Variants in ATXN1 observed in about 807,000 individuals in gnomAD.
ATXN1 encodes ataxin-1.
Under a neutral mutation model 56.4 loss-of-function variants are expected in ATXN1, and 8 were observed. The observed-to-expected ratio is 0.14, with a 90% CI of 0.08 to 0.26. ATXN1 has a LOEUF of 0.26. Among genes scored for constraint, ATXN1 ranks in the 10% least tolerant of loss-of-function variants. ATXN1 has a pLI of 1.00. For missense variants in ATXN1, 987 were observed against 1,106.5 expected (o/e 0.89, Z 1.53); for synonymous variants, 514 against 494.6 (o/e 1.04, Z -0.52).
At chr6:16,404,303 CAAAG>C (rs1189296891) in intron 6 of ATXN1, among the ~76,000 whole-genome samples, 1 of 152,154 alleles carries the variant, frequency 6.6e-6, no homozygotes, top group East Asian at 1.9e-4. Context: ...AGGAACATAA[CAAAG>C]GAAGTACTGG....
At position 16,699,199 on chromosome 6, in the gene ATXN1, C is replaced by T. The variant is rs563800254; in HGVS notation, c.-614-41298G>A. ...TTCTCTATTACTCACTATTAAACTG[C>T]ATTTCAAAACCTACAAAAACAGCTC... On this transcript the variant is annotated intron_variant, in intron 2 of 7. Coordinates refer to ENST00000436367, the MANE Select transcript of ATXN1 (RefSeq NM_001128164.2). Among the ~76,000 whole-genome samples the T allele has an allele frequency of 1.5e-4, 23 of 152,316 alleles. No individual in the cohort carries two copies. The South Asian group carries it at 4.8e-3, about 32-fold the overall frequency.
At chr6:16,592,644 T>C (rs1581867768) in intron 3 of ATXN1, among the ~76,000 whole-genome samples, 1 of 152,024 alleles carries the variant, frequency 6.6e-6, no homozygotes, top group Non-Finnish European at 1.5e-5. Flanking sequence ...AGCACCCACG[T>C]CTCCTAGCTG....
chr6:16,358,977 G>A (rs1196458521), intron 6 of ATXN1, among the ~76,000 whole-genome samples: 1 of 152,208 alleles, frequency 6.6e-6, no homozygotes, highest in Non-Finnish European at 1.5e-5. Flanking sequence ...TGCAGCTGTG[G>A]CCAACCCTCC....
chr6:16,568,322 G>T lies in ATXN1; in HGVS notation c.-361+17458C>A, dbSNP rs567706815. ...AGAGGCTATCATCAAAACGAAGGCA[G>T]AGAGAAGTACACATAAGTCAACCTG... On this transcript the variant is annotated intron_variant, in intron 4 of 7. Transcript: ENST00000436367. Among the ~76,000 whole-genome samples, 38 of 152,308 alleles carry T rather than the reference G, an allele frequency of 2.5e-4. No homozygotes were observed. The South Asian group carries it at 7.5e-3, about 30-fold the overall frequency.
At chr6:16,349,574 A>G (rs1238018971) in intron 6 of ATXN1, among the ~76,000 whole-genome samples, 1 of 152,162 alleles carries the variant, frequency 6.6e-6, no homozygotes, top group Non-Finnish European at 1.5e-5. Flanking sequence ...TTCCTGCATC[A>G]TAGACACCAG....
At chr6:16,681,093 G>A (rs1441001872) in intron 2 of ATXN1, among the ~76,000 whole-genome samples, 1 of 152,200 alleles carries the variant, frequency 6.6e-6, no homozygotes, top group Non-Finnish European at 1.5e-5. Context: ...GAGACATGAT[G>A]ATGATGATTG....
intron 4 of ATXN1, among the ~76,000 whole-genome samples, chr6:16,580,561 G>T (rs1418339265): frequency 6.6e-6 from 1 of 152,110 alleles, no homozygotes; most frequent in Admixed American, 6.5e-5. Context: ...TTTCTAATGT[G>T]TTTTAAGAGT....
intron 4 of ATXN1, among the ~76,000 whole-genome samples, chr6:16,534,098 C>A (rs1462425853): frequency 6.6e-6 from 1 of 152,058 alleles, no homozygotes; most frequent in Admixed American, 6.6e-5. Flanking sequence ...CTGATGACTA[C>A]CTTCAGGTGA....
rs770484750 is a variant in ATXN1 at position 16,304,004 on chromosome 6, T to C, written c.*2325A>G. 3.3e-5 allele frequency: 5 copies of C among 152,526 alleles called. No homozygotes were observed. Among genetic ancestry groups the C allele is most frequent in the Admixed American group, 2.0e-4 (3 of 15,288 alleles). 9.4% of individuals were successfully genotyped at this position (152,526 alleles called of 1,614,324 possible). A position where few individuals can be genotyped will look rare whatever the true frequency, so the allele number is the denominator to read the frequency against. On this transcript the variant is annotated 3_prime_UTR_variant, in exon 8 of 8. Coordinates refer to ENST00000436367, the MANE Select transcript of ATXN1 (RefSeq NM_001128164.2). ...CCCACCCAGCTCTCTGCAAGCATGC[T>C]GAGAGGGTAATGAAATTCGAGGAAA...
chr6:16,678,374 C>T (rs1234155283), intron 2 of ATXN1, among the ~76,000 whole-genome samples: 2 of 152,216 alleles, frequency 1.3e-5, no homozygotes, highest in Admixed American at 6.5e-5. Flanking sequence ...TTCTTACTAA[C>T]AATGCCACAT....
At chr6:16,458,941 G>A (rs1759936193) in intron 6 of ATXN1, among the ~76,000 whole-genome samples, 1 of 152,184 alleles carries the variant, frequency 6.6e-6, no homozygotes, top group Non-Finnish European at 1.5e-5. Flanking sequence ...TAGCCATTGA[G>A]GGCCAGGAAA....
At chr6:16,503,780 A>T (rs4712286) in intron 5 of ATXN1, among the ~76,000 whole-genome samples, 2 of 151,888 alleles carry the variant, frequency 1.3e-5, no homozygotes. Context: ...AGGGAAAAAT[A>T]TTTATGTAAA....
intron 2 of ATXN1, among the ~76,000 whole-genome samples, chr6:16,743,871 G>A (rs1203418377): frequency 3.3e-5 from 5 of 152,142 alleles, no homozygotes; most frequent in East Asian, 1.9e-4. Flanking sequence ...TGGGACCGAC[G>A]TGGGACGAAT....
chr6:16,487,912 A>G (rs1382886845), intron 5 of ATXN1, among the ~76,000 whole-genome samples: 2 of 152,218 alleles, frequency 1.3e-5, no homozygotes, highest in African/African-American at 4.8e-5. Context: ...CAGGTAGAGG[A>G]AACAGTCTGT....
At chr6:16,462,747 C>A (rs1228507226) in intron 6 of ATXN1, among the ~76,000 whole-genome samples, 1 of 152,160 alleles carries the variant, frequency 6.6e-6, no homozygotes, top group Admixed American at 6.5e-5. Flanking sequence ...AACCTGTTAT[C>A]AGGCCTGCCC....
intron 6 of ATXN1, among the ~76,000 whole-genome samples, chr6:16,361,396 C>T (rs1761805887): frequency 6.6e-6 from 1 of 152,190 alleles, no homozygotes; most frequent in African/African-American, 2.4e-5. Context: ...CTACAGCATT[C>T]AGATCTCTTT....
At chr6:16,534,118 T>C (rs1761553103) in intron 4 of ATXN1, among the ~76,000 whole-genome samples, 1 of 152,148 alleles carries the variant, frequency 6.6e-6, no homozygotes, top group Admixed American at 6.6e-5. Flanking sequence ...ACAACAGGTT[T>C]CCCCATGCTG....
At chr6:16,502,789 CA>C (rs1213888371) in intron 5 of ATXN1, among the ~76,000 whole-genome samples, 5 of 152,164 alleles carry the variant, frequency 3.3e-5, no homozygotes, top group Non-Finnish European at 1.5e-5. Flanking sequence ...TATATTTCTA[CA>C]AATTCCTTTT....
At chr6:16,619,203 G>A (rs1269940714) in intron 3 of ATXN1, among the ~76,000 whole-genome samples, 1 of 151,906 alleles carries the variant, frequency 6.6e-6, no homozygotes, top group African/African-American at 2.4e-5. Flanking sequence ...GTTGGCAAGT[G>A]CTCAAGAAGA....
Sources: allele counts gnomAD v4.1 joint callset (sites outside exome capture counted in the v4.1 genomes callset), GRCh38; gene constraint gnomAD v4.1.1; transcripts MANE v1.5; gene names NCBI Gene and HGNC (gene_info 2026-07-23, HGNC 2026-07-21).